TRERF1: variants seen among roughly 807,000 people sequenced by gnomAD.
TRERF1 encodes the protein transcriptional regulating factor 1.
A neutral mutation model predicts 122.9 loss-of-function variants in TRERF1; 27 were observed. That is an observed-to-expected ratio of 0.22 (90% CI 0.16 to 0.30). The LOEUF (loss-of-function observed/expected upper bound fraction) is 0.30. Ranked by LOEUF, TRERF1 falls within the 10% of genes least tolerant of loss-of-function variation. The pLI, the probability that TRERF1 is intolerant of heterozygous loss-of-function variation, is 1.00. For missense variants in TRERF1, 1,248 were observed against 1,560.3 expected (o/e 0.80, Z 3.37); for synonymous variants, 636 against 641.7 (o/e 0.99, Z 0.13).
intron 3 of TRERF1, among the ~76,000 whole-genome samples, chr6:42,320,784 A>G (rs1163248840): frequency 2.0e-5 from 3 of 152,214 alleles, no homozygotes; most frequent in Non-Finnish European, 4.4e-5. Flanking sequence ...TGCTGGAATT[A>G]CATGCGTAAG....
chr6:42,434,429 G>A (rs1784938531), intron 2 of TRERF1, among the ~76,000 whole-genome samples: 1 of 151,058 alleles, frequency 6.6e-6, no homozygotes, highest in African/African-American at 2.4e-5. Flanking sequence ...GTTACTTTCA[G>A]AAGAACCACA....
chr6:42,264,458 A>G (rs1484496513), intron 7 of TRERF1, among the ~76,000 whole-genome samples: 1 of 152,242 alleles, frequency 6.6e-6, no homozygotes, highest in African/African-American at 2.4e-5. Flanking sequence ...AGGCAGAGAG[A>G]GAAGCTGGGA....
intron 2 of TRERF1, among the ~76,000 whole-genome samples, chr6:42,435,323 A>G (rs1363855436): frequency 6.6e-6 from 1 of 152,234 alleles, no homozygotes; most frequent in Non-Finnish European, 1.5e-5. Flanking sequence ...TAAGCTCTTT[A>G]AAAGTTTTTG....
At chr6:42,438,407 C>T (rs1350716327) in intron 2 of TRERF1, among the ~76,000 whole-genome samples, 1 of 150,812 alleles carries the variant, frequency 6.6e-6, no homozygotes, top group Non-Finnish European at 1.5e-5. Flanking sequence ...GTCAGGAGTT[C>T]GAGACCAGCC....
chr6:42,305,585 T>C (rs1202820727), intron 3 of TRERF1, among the ~76,000 whole-genome samples: 1 of 151,704 alleles, frequency 6.6e-6, no homozygotes, highest in African/African-American at 2.4e-5. Flanking sequence ...AAAGAACAGC[T>C]CACATCTACC....
intron 2 of TRERF1, among the ~76,000 whole-genome samples, chr6:42,365,889 T>C (rs1187345832): frequency 6.6e-6 from 1 of 152,246 alleles, no homozygotes; most frequent in African/African-American, 2.4e-5. Flanking sequence ...CCCGGCTCCA[T>C]GCTTTGGCTT....
intron 4 of TRERF1, among the ~76,000 whole-genome samples, chr6:42,278,627 C>T (rs1013673141): frequency 6.6e-6 from 1 of 152,198 alleles, no homozygotes; most frequent in East Asian, 1.9e-4. Flanking sequence ...TCCCAACCCA[C>T]AGTTGATACC....
chr6:42,414,235 T>C (rs1011446648), intron 2 of TRERF1, among the ~76,000 whole-genome samples: 1 of 152,188 alleles, frequency 6.6e-6, no homozygotes, highest in African/African-American at 2.4e-5. Flanking sequence ...CTTTCAATAA[T>C]GTGTAAACAT....
intron 2 of TRERF1, among the ~76,000 whole-genome samples, chr6:42,446,285 C>T (rs1787501016): frequency 6.6e-6 from 1 of 152,212 alleles, no homozygotes; most frequent in South Asian, 2.1e-4. Context: ...CCCAGAGAGT[C>T]CTGCACAATC....
intron 4 of TRERF1, among the ~76,000 whole-genome samples, chr6:42,277,944 A>AGAAGAAGAAGAAGAAGAG (rs1781562350): frequency 6.7e-6 from 1 of 150,118 alleles, no homozygotes; most frequent in Non-Finnish European, 1.5e-5. Flanking sequence ...AAGAAGAAGA[A>AGAAGAAGAAGAAGAAGAG]GAAGAAGAAG....
At chr6:42,266,274 C>T (rs1339530297) in intron 5 of TRERF1, among the ~76,000 whole-genome samples, 1 of 151,554 alleles carries the variant, frequency 6.6e-6, no homozygotes, top group Non-Finnish European at 1.5e-5. Flanking sequence ...CTGCAGCCTC[C>T]ACCACCTGGA....
intron 7 of TRERF1, among the ~76,000 whole-genome samples, chr6:42,264,400 T>G (rs1019261052): frequency 2.0e-5 from 3 of 152,240 alleles, no homozygotes; most frequent in African/African-American, 7.2e-5. Context: ...AGCAGAAGTT[T>G]AAAAATAATA....
At chr6:42,360,771 T>TAAAA (rs55924002) in intron 3 of TRERF1, among the ~76,000 whole-genome samples, 20 of 36,444 alleles carry the variant, frequency 5.5e-4, no homozygotes, top group South Asian at 5.1e-3. Context: ...GTGGAGAGAT[T>TAAAA]AAAAAAAAAA....
intron 2 of TRERF1, among the ~76,000 whole-genome samples, chr6:42,409,718 T>G (rs765655379): frequency 2.6e-5 from 4 of 152,208 alleles, no homozygotes; most frequent in Non-Finnish European, 4.4e-5. Flanking sequence ...GTTCCTATAT[T>G]GTTATGACAA....
intron 5 of TRERF1, among the ~76,000 whole-genome samples, chr6:42,266,240 G>A (rs1454170089): frequency 6.8e-6 from 1 of 146,312 alleles, no homozygotes; most frequent in African/African-American, 2.5e-5. Flanking sequence ...CCAGGCTGTA[G>A]TGCAGTAGCA....
chr6:42,418,237 T>TTTTTTA (rs67466249), intron 2 of TRERF1, among the ~76,000 whole-genome samples: 1 of 117,028 alleles, frequency 8.5e-6, no homozygotes, highest in African/African-American at 3.1e-5. Context: ...TTTTTTTTTT[T>TTTTTTA]GAGATGGAGT....
At chr6:42,286,528 A>G (rs1363945917) in intron 4 of TRERF1, among the ~76,000 whole-genome samples, 6 of 143,512 alleles carry the variant, frequency 4.2e-5, no homozygotes. Flanking sequence ...GCAGCCAAAA[A>G]ACACATGAAA....
Position 42,263,093 on chromosome 6 carries a change from A to T in TRERF1, c.1884+227T>A, listed in dbSNP as rs1357117546. 6.6e-6 allele frequency among the ~76,000 whole-genome samples: 1 copy of T among 152,168 alleles called. No homozygotes were observed. The highest frequency in any genetic ancestry group is 1.5e-5 in the Non-Finnish European group (1 of 68,030). Reference sequence around the variant, plus strand: ...GCCATTAGTTTGGCATTTAATGGGGAGCAGGCAGTGTGAACAAGGGTAGGG... The same window carrying T: ...GCCATTAGTTTGGCATTTAATGGGGTGCAGGCAGTGTGAACAAGGGTAGGG... On this transcript the variant is annotated intron_variant, in intron 8 of 17. Coordinates refer to ENST00000372922, the Ensembl canonical transcript of TRERF1. The surrounding 1 kb of genome is among the most constrained non-coding windows in gnomAD (Gnocchi z 5.6).
At chr6:42,320,506 A>AT (rs397977723) in intron 3 of TRERF1, among the ~76,000 whole-genome samples, 5,985 of 136,744 alleles carry the variant, frequency 0.044, 235 homozygotes, top group African/African-American at 0.1. Flanking sequence ...AAGTGAAAGA[A>AT]TTTTTTTTTT....
Sources: allele counts gnomAD v4.1 joint callset (sites outside exome capture counted in the v4.1 genomes callset), GRCh38; gene constraint gnomAD v4.1.1; non-coding constraint Gnocchi (gnomAD v3.1); transcripts MANE v1.5; gene names NCBI Gene and HGNC (gene_info 2026-07-23, HGNC 2026-07-21).